The following TRAPPC9 variants were observed in gnomAD, a reference collection of about 807,000 sequenced individuals.
The protein encoded by TRAPPC9 is IKK2 binding protein.
TRAPPC9 carries 83 observed loss-of-function variants against 124.0 expected under a neutral mutation model. That is an observed-to-expected ratio of 0.67 (90% CI 0.56 to 0.80). TRAPPC9 has a LOEUF of 0.80. Among genes scored for constraint, TRAPPC9 ranks in the 30% least tolerant of loss-of-function variants. The pLI is 0.00. For missense variants in TRAPPC9, 1,302 were observed against 1,508.3 expected, an observed-to-expected ratio of 0.86 and a Z score of 2.27; for synonymous variants, 638 against 617.5, an observed-to-expected ratio of 1.03 and a Z score of -0.49.
intron 18 of TRAPPC9, among the ~76,000 whole-genome samples, chr8:140,013,077 C>A (rs991904179): frequency 6.6e-6 from 1 of 152,176 alleles, no homozygotes; most frequent in Non-Finnish European, 1.5e-5. Context: ...GCAGGAAGAA[C>A]GCTAACAGCC....
At chr8:140,166,422 G>A (rs1449574202) in intron 17 of TRAPPC9, among the ~76,000 whole-genome samples, 1 of 152,208 alleles carries the variant, frequency 6.6e-6, no homozygotes, top group African/African-American at 2.4e-5. Flanking sequence ...CCCAGGGTCG[G>A]GACCGGAGTG....
At chr8:139,896,515 T>C (rs543199049) in intron 20 of TRAPPC9, among the ~76,000 whole-genome samples, 42 of 152,294 alleles carry the variant, frequency 2.8e-4, no homozygotes, top group Admixed American at 9.8e-4. Context: ...TCAAAGATTT[T>C]TCTAGAAAAC....
intron 15 of TRAPPC9, among the ~76,000 whole-genome samples, chr8:140,273,450 T>C (rs993545627): frequency 8.5e-5 from 13 of 152,230 alleles, no homozygotes; most frequent in African/African-American, 3.1e-4. Flanking sequence ...ATGCCACTAG[T>C]TCCCTTATCC....
At chr8:140,196,051 G>C (rs2062656116) in intron 17 of TRAPPC9, among the ~76,000 whole-genome samples, 9 of 92,902 alleles carry the variant, frequency 9.7e-5, no homozygotes, top group Admixed American at 3.6e-4. Flanking sequence ...AAAACACATT[G>C]AACAATTCAC....
At chr8:140,102,338 A>G (rs1025103427) in intron 17 of TRAPPC9, among the ~76,000 whole-genome samples, 13 of 152,250 alleles carry the variant, frequency 8.5e-5, no homozygotes, top group Non-Finnish European at 1.5e-4. Context: ...TAATAGACTC[A>G]TGTGAATTTA....
chr8:139,735,313 A>T (rs1818085117), intron 21 of TRAPPC9, among the ~76,000 whole-genome samples: 1 of 152,232 alleles, frequency 6.6e-6, no homozygotes, highest in Non-Finnish European at 1.5e-5. Context: ...AGCACGTCCC[A>T]GTACCCATGA....
chr8:140,146,892 A>G (rs1183218054), intron 17 of TRAPPC9, among the ~76,000 whole-genome samples: 1 of 151,392 alleles, frequency 6.6e-6, no homozygotes, highest in Non-Finnish European at 1.5e-5. Context: ...CAGGGAAAAG[A>G]GCACTTATTT....
chr8:140,282,727 T>C (rs1234468892), intron 14 of TRAPPC9, among the ~76,000 whole-genome samples: 2 of 152,200 alleles, frequency 1.3e-5, no homozygotes, highest in Non-Finnish European at 2.9e-5. Context: ...TACGTGGTTA[T>C]GCAAAAAGTA....
At chr8:139,917,690 T>C (rs1832241847) in intron 19 of TRAPPC9, among the ~76,000 whole-genome samples, 1 of 152,082 alleles carries the variant, frequency 6.6e-6, no homozygotes. Flanking sequence ...GGGAGCAGAT[T>C]CTCCTGTTGC....
At chr8:139,963,213 A>AT (rs1835458020) in intron 19 of TRAPPC9, among the ~76,000 whole-genome samples, 1 of 152,006 alleles carries the variant, frequency 6.6e-6, no homozygotes, top group African/African-American at 2.4e-5. Context: ...TAATACTGCT[A>AT]TTTTTTCCCA....
chr8:140,105,027 T>A (rs1199745806), intron 17 of TRAPPC9, among the ~76,000 whole-genome samples: 1 of 152,172 alleles, frequency 6.6e-6, no homozygotes, highest in Non-Finnish European at 1.5e-5. Context: ...CAGCCACCAC[T>A]TGGCCGGCTC....
At chr8:139,946,376 C>T (rs1308754368) in intron 19 of TRAPPC9, among the ~76,000 whole-genome samples, 1 of 152,158 alleles carries the variant, frequency 6.6e-6, no homozygotes, top group Non-Finnish European at 1.5e-5. Context: ...CGAGGCATGG[C>T]CAGGTGTGTT....
At chr8:140,001,383 TATA>T (rs35540594) in intron 18 of TRAPPC9, among the ~76,000 whole-genome samples, 60,894 of 150,522 alleles carry the variant, frequency 0.4, 12,685 homozygotes, top group Non-Finnish European at 0.47. Flanking sequence ...GAACTTAAAG[TATA>T]ATAATAATAA....
At chr8:140,208,687 T>C (rs1041914115) in intron 17 of TRAPPC9, among the ~76,000 whole-genome samples, 11 of 152,250 alleles carry the variant, frequency 7.2e-5, no homozygotes, top group Admixed American at 2.6e-4. Context: ...TGTCAGCCCC[T>C]GTAGCAGGCA....
intron 19 of TRAPPC9, among the ~76,000 whole-genome samples, chr8:139,952,841 T>C (rs72683278): frequency 0.033 from 4,996 of 152,286 alleles, 155 homozygotes; most frequent in African/African-American, 0.078. Context: ...CATTCTCTAA[T>C]CGGATTCTAT....
chr8:140,289,212 T>C (rs1006626833), intron 12 of TRAPPC9, among the ~76,000 whole-genome samples: 2 of 141,204 alleles, frequency 1.4e-5, no homozygotes, highest in African/African-American at 5.3e-5. Flanking sequence ...TGTGTGTGTG[T>C]GTGTTCTCAT....
At chr8:140,081,130 AGTGCGTCTGCAGCTGAGAAGCCTGCCCT>A (rs1843788289) in intron 17 of TRAPPC9, among the ~76,000 whole-genome samples, 1 of 152,102 alleles carries the variant, frequency 6.6e-6, no homozygotes, top group African/African-American at 2.4e-5. Flanking sequence ...ATCTATCCCC[AGTGCGTCTGCAGCTGAGAAGCCTGCCCT>A]CCTTCCTCAG....
chr8:140,197,945 C>G (rs921178886), intron 17 of TRAPPC9, among the ~76,000 whole-genome samples: 1 of 152,162 alleles, frequency 6.6e-6, no homozygotes, highest in Non-Finnish European at 1.5e-5. Flanking sequence ...CCCAGCACAT[C>G]TTGTGCAGCA....
chr8:140,178,908 T>C (rs1466755873), intron 17 of TRAPPC9, among the ~76,000 whole-genome samples: 3 of 152,166 alleles, frequency 2.0e-5, no homozygotes, highest in African/African-American at 7.2e-5. Context: ...CATGAAGTTT[T>C]CCATTACAAT....
Sources: allele counts gnomAD v4.1 joint callset (sites outside exome capture counted in the v4.1 genomes callset), GRCh38; gene constraint gnomAD v4.1.1; transcripts MANE v1.5; gene names NCBI Gene and HGNC (gene_info 2026-07-23, HGNC 2026-07-21).